The following DNAH14 variants were observed in gnomAD, a reference collection of about 807,000 sequenced individuals.
DNAH14 encodes dynein axonemal heavy chain 14, also known as axonemal beta dynein heavy chain 14.
DNAH14 carries 478 observed loss-of-function variants against 520.9 expected under a neutral mutation model. That is an observed-to-expected ratio of 0.92 (90% CI 0.85 to 0.99). The LOEUF (loss-of-function observed/expected upper bound fraction) is 0.99. DNAH14 is among the 50% of genes least tolerant of loss of function. The pLI, the probability that DNAH14 is intolerant of heterozygous loss-of-function variation, is 0.00. For synonymous variants in DNAH14, 1,581 were observed against 1,757.2 expected, an observed-to-expected ratio of 0.90 and a Z score of 2.51; for missense variants, 4,831 against 5,234.5, an observed-to-expected ratio of 0.92 and a Z score of 2.38.
chr1:225,060,642 G>GT (rs1226583949), intron 17 of DNAH14, among the ~76,000 whole-genome samples: 2 of 146,996 alleles, frequency 1.4e-5, no homozygotes, highest in Admixed American at 1.4e-4. Context: ...TATCTTTGTG[G>GT]TTTTATCTAC....
At position 225,211,138 on chromosome 1, in the gene DNAH14, C is replaced by A. The variant is rs116525573; in HGVS notation, c.6439+3918C>A. Among the ~76,000 whole-genome samples, 682 of 152,306 alleles carry A rather than the reference C, an allele frequency of 4.5e-3. 4 individuals carry two copies. Among genetic ancestry groups the A allele is most frequent in the Non-Finnish European group, 8.0e-3 (541 of 68,030 alleles). ...ATTCCTCGCCAGGAAGGCAACAAAA[C>A]TGAATGGAGAATGAGTTTGATGAAC... On this transcript the variant is annotated intron_variant, in intron 41 of 85. Transcript: ENST00000682510.
chr1:225,005,095 A>G (rs1338378918), intron 9 of DNAH14, among the ~76,000 whole-genome samples: 2 of 152,208 alleles, frequency 1.3e-5, no homozygotes, highest in Non-Finnish European at 2.9e-5. Context: ...AATTTTGAAT[A>G]AAATTCACCT....
At chr1:225,394,825 C>CAG (rs1343000686) in intron 84 of DNAH14, among the ~76,000 whole-genome samples, 1 of 142,874 alleles carries the variant, frequency 7.0e-6, no homozygotes, top group Non-Finnish European at 1.5e-5. Flanking sequence ...GCCTGGGTGA[C>CAG]AGAGAGAGAC....
intron 34 of DNAH14, among the ~76,000 whole-genome samples, chr1:225,157,511 T>C (rs147279849): frequency 0.021 from 3,234 of 152,290 alleles, 90 homozygotes; most frequent in African/African-American, 0.062. Flanking sequence ...AAATTACTCT[T>C]TTGTAATATT....
rs542726704 is a variant in DNAH14, at chr1:225,082,966, T to C, written c.3327+227T>C. On this transcript the variant is annotated intron_variant, in intron 20 of 85. Coordinates refer to ENST00000682510, the MANE Select transcript of DNAH14 (RefSeq NM_001367479.1). ...TATTATTTAGGTGATTAAACAGTAA[T>C]ACTGGTTTTCATGTATGACAGATAA... 1.1e-4 allele frequency among the ~76,000 whole-genome samples: 17 copies of C among 152,278 alleles called. No individual in the cohort carries two copies. In the South Asian group the frequency reaches 1.4e-3, roughly 13 times the overall value.
At chr1:225,193,441 G>C (rs2085707971) in intron 38 of DNAH14, among the ~76,000 whole-genome samples, 1 of 152,094 alleles carries the variant, frequency 6.6e-6, no homozygotes, top group African/African-American at 2.4e-5. Flanking sequence ...TGTAATCCCA[G>C]CTCCTCTGGA....
At position 225,097,143 on chromosome 1, in the gene DNAH14, A is replaced by C; in HGVS notation, c.3599A>C (p.Asn1200Thr). The change falls in exon 22 of 86, where the codon AAC (asparagine) becomes ACC (threonine). Residue 1200 changes from asparagine (N) to threonine (T), a missense_variant. Coordinates refer to ENST00000682510, the MANE Select transcript of DNAH14 (RefSeq NM_001367479.1). ...IKDLVNEWDQ[N>T]LTLFSYTLEE... ...GATCTTGTGAATGAATGGGATCAAA[A>C]CTTGACTCTCTTCTCTTACACCCTT... 6.5e-7 allele frequency: 1 copy of C among 1,549,924 alleles called. No individual in the cohort carries two copies. Among genetic ancestry groups the C allele is most frequent in the Non-Finnish European group, 8.7e-7 (1 of 1,146,014 alleles).
intron 66 of DNAH14, among the ~76,000 whole-genome samples, chr1:225,336,162 A>T (rs1449346345): frequency 6.7e-6 from 1 of 150,248 alleles, no homozygotes; most frequent in Non-Finnish European, 1.5e-5. Context: ...AACCTCATAT[A>T]TATATATAAA....
chr1:225,289,193 A>C (rs1384801850), intron 54 of DNAH14, among the ~76,000 whole-genome samples: 6 of 152,180 alleles, frequency 3.9e-5, no homozygotes, highest in Non-Finnish European at 8.8e-5. Context: ...AATCAGATAC[A>C]TTAGACTTCA....
At chr1:225,041,917 A>G (rs1015595058) in intron 12 of DNAH14, among the ~76,000 whole-genome samples, 2 of 152,258 alleles carry the variant, frequency 1.3e-5, no homozygotes, top group Non-Finnish European at 1.5e-5. Context: ...TTTCCATTTA[A>G]CCGTTTTTAG....
chr1:225,124,890 G>C (rs1031201447), intron 27 of DNAH14, among the ~76,000 whole-genome samples: 2 of 152,144 alleles, frequency 1.3e-5, no homozygotes, highest in African/African-American at 2.4e-5. Flanking sequence ...AATAAGCCTT[G>C]AAAGTCAAAA....
chr1:225,258,214 T>C, intron 45 of DNAH14, 96 bp downstream of exon 45: 1 of 1,153,452 alleles, frequency 8.7e-7, no homozygotes, highest in Non-Finnish European at 1.1e-6. Context: ...GGGAAAAAAA[T>C]ATACACTGAA....
intron 57 of DNAH14, among the ~76,000 whole-genome samples, chr1:225,304,408 A>G (rs2094200160): frequency 6.6e-6 from 1 of 151,958 alleles, no homozygotes. Flanking sequence ...AATTTAGAAA[A>G]TTAGCCAGGT....
At chr1:224,984,011 T>C (rs1271085216) in intron 8 of DNAH14, among the ~76,000 whole-genome samples, 1 of 152,028 alleles carries the variant, frequency 6.6e-6, no homozygotes, top group African/African-American at 2.4e-5. Flanking sequence ...CAAAATACCA[T>C]CATAATTCTT....
chr1:225,023,535 T>TA (rs928461110), intron 10 of DNAH14, 80 bp from the exon 11 acceptor site: 189 of 1,181,906 alleles, frequency 1.6e-4, no homozygotes, highest in African/African-American at 2.6e-4. Context: ...TTGAAGTTGA[T>TA]AAAAAAAACT....
Position 225,255,577 on chromosome 1 carries a change from T to C in DNAH14, c.6866-2383T>C, listed in dbSNP as rs148749998. ...CATCTAAGGAATCTCCAGTCTTGAA[T>C]TGGGATTAAGGGAATCCCTGAGTAG... is the stretch of plus-strand genomic sequence containing the variant. On this transcript the variant is annotated intron_variant, in intron 44 of 85. Coordinates refer to ENST00000682510, the MANE Select transcript of DNAH14 (RefSeq NM_001367479.1). Among the ~76,000 whole-genome samples the C allele has an allele frequency of 3.5e-3, 534 of 152,306 alleles. 4 individuals carry two copies. The highest frequency in any genetic ancestry group is 0.012 in the African/African-American group (517 of 41,570).
At position 225,360,863 on chromosome 1, in the gene DNAH14, A is replaced by T; in HGVS notation, c.11959A>T (p.Met3987Leu). ...LQNCHLATSF[M>L]PRLCTIVESF... is the part of the protein sequence containing the mutation. ...GAACTGCCATCTTGCAACATCATTTATGCCAAGGCTTTGCACAATTGTAGA... is the reference window on the plus strand; with the variant it reads ...GAACTGCCATCTTGCAACATCATTTTTGCCAAGGCTTTGCACAATTGTAGA... Residue 3987 changes from methionine to leucine, a missense_variant, in exon 75 of 86, where the codon ATG becomes TTG. Physicochemically the swap from Met to Leu is conservative, Grantham distance 15. Transcript: ENST00000682510. The T allele has an allele frequency of 6.4e-7, 1 of 1,551,744 alleles. No individual in the cohort carries two copies.
chr1:225,043,886 AT>A lies in DNAH14; in HGVS notation c.1818del (p.Pro607GlnfsTer9). Reference protein sequence around the residue: ...EFENKYMYYEFPEFPTNLFID... With the variant: ...EFENKYMYYEXPEFPTNLFID... ...ATGCTTTTATTGTTTTCTCTGTTAG[AT>A]TTCCAGAATTTCCTACAAATCTCTT... On this transcript the variant is annotated frameshift_variant and splice_region_variant, in exon 15 of 86. Coordinates refer to ENST00000682510, the MANE Select transcript of DNAH14 (RefSeq NM_001367479.1). LOFTEE classifies it high-confidence loss of function. 2.6e-6 allele frequency: 4 copies of A among 1,518,690 alleles called. No individual in the cohort carries two copies. Among genetic ancestry groups the A allele is most frequent in the Non-Finnish European group, 1.8e-6 (2 of 1,122,596 alleles). The allele number at this position is 1,518,690 out of a possible 1,614,324, so 94.1% of individuals were successfully genotyped here. A position where few individuals can be genotyped will look rare whatever the true frequency, so the allele number is the denominator to read the frequency against.
chr1:225,103,234 G>A (rs1226178646), intron 23 of DNAH14, among the ~76,000 whole-genome samples: 1 of 152,164 alleles, frequency 6.6e-6, no homozygotes, highest in Admixed American at 6.5e-5. Context: ...GCTCTGTTCT[G>A]TTCCATTGAT....
Sources: gnomAD v4.1 joint callset for allele counts (sites outside exome capture counted in the v4.1 genomes callset) on GRCh38, gnomAD v4.1.1 for gene constraint, MANE v1.5 for transcripts, NCBI Gene and HGNC (gene_info 2026-07-23, HGNC 2026-07-21) for gene names.